The following MLPH variants were observed in gnomAD, a reference collection of about 807,000 sequenced individuals.
The protein encoded by MLPH is melanophilin, also known as exophilin-3.
A neutral mutation model predicts 72.1 loss-of-function variants in MLPH; 51 were observed. That is an observed-to-expected ratio of 0.71 (90% confidence interval 0.56 to 0.89). MLPH has a LOEUF of 0.89. Ranked by LOEUF, MLPH falls within the 40% of genes least tolerant of loss-of-function variation. The pLI, the probability that MLPH is intolerant of heterozygous loss-of-function variation, is 0.00. For missense variants in MLPH, 743 were observed against 759.9 expected, an observed-to-expected ratio of 0.98 and a Z score of 0.26; for synonymous variants, 301 against 310.1, an observed-to-expected ratio of 0.97 and a Z score of 0.31.
intron 12 of MLPH, 96 bp from the exon 13 acceptor site, chr2:237,546,510 G>T: frequency 9.5e-7 from 1 of 1,051,220 alleles, no homozygotes; most frequent in Non-Finnish European, 1.5e-6. Flanking sequence ...AGCATGTATA[G>T]AGAGCATCCA....
chr2:237,552,516 A>G lies in MLPH; in HGVS notation c.1776+79A>G, dbSNP rs542068874. 4.1e-6 allele frequency: 5 copies of G among 1,213,208 alleles called. No homozygotes were observed. In the South Asian group the frequency reaches 5.1e-5, roughly 12 times the overall value. The allele number at this position is 1,213,208 out of a possible 1,614,324, so 75.2% of individuals were successfully genotyped here. On this transcript the variant is annotated intron_variant, in intron 15 of 15. Coordinates refer to ENST00000264605, the MANE Select transcript of MLPH (RefSeq NM_024101.7). ...ATTTATGTATTAAAATTAAGTCTTC[A>G]GAGCAAAGAAAATGGAGATAAACAA...
rs1641393352 is a variant in MLPH, at chr2:237,505,299, C to A, written c.111-5275C>A. Among the ~76,000 whole-genome samples the A allele has an allele frequency of 6.6e-6, 1 of 152,190 alleles. No homozygotes were observed. Among genetic ancestry groups the A allele is most frequent in the Admixed American group, 6.5e-5 (1 of 15,278 alleles). ...CCCACCACTGAGACCCTGATCCCAG[C>A]CACATACCCACGTGCTGTGGCCTCT... On this transcript the variant is annotated intron_variant, in intron 2 of 15. Transcript: ENST00000264605. The surrounding 1 kb of genome is among the most constrained non-coding windows in gnomAD (Gnocchi z 4.5).
In MLPH at chr2:237,547,939, C is replaced by G. The variant is rs555597912; in HGVS notation, c.1617+1256C>G. On this transcript the variant is annotated intron_variant, in intron 13 of 15. Transcript: ENST00000264605. ...AATGGGCTTTAGCTTCAGGCCTTAC[C>G]TGCAGCCCAGCGCAGCAGGGAGCCT... Among the ~76,000 whole-genome samples, 18 of 152,264 alleles carry G rather than the reference C, an allele frequency of 1.2e-4. No individual in the cohort carries two copies. The East Asian group carries it at 3.5e-3, about 29-fold the overall frequency.
In MLPH at chr2:237,493,431, G is replaced by A. The variant is rs781179527; in HGVS notation, c.5G>A (p.Gly2Glu). The A allele has an allele frequency of 6.2e-7, 1 of 1,613,724 alleles. No individual in the cohort carries two copies. The highest frequency in any genetic ancestry group is 8.5e-7 in the Non-Finnish European group (1 of 1,179,692). Reference sequence around the variant, plus strand: ...TGACCCCGACAAGAAGCAGAAATGGGGAAGAAACTGGATCTTTCCAAGCTC... The same window carrying A: ...TGACCCCGACAAGAAGCAGAAATGGAGAAGAAACTGGATCTTTCCAAGCTC... MGKKLDLSKLTD... is the reference protein window; with the variant it reads MEKKLDLSKLTD... Residue 2 changes from glycine to glutamate, a missense_variant, in exon 2 of 16, where the codon GGG (glycine) becomes GAG (glutamate). Transcript: ENST00000264605.
At chr2:237,496,771 G>A (rs925818122) in intron 2 of MLPH, among the ~76,000 whole-genome samples, 13 of 152,226 alleles carry the variant, frequency 8.5e-5, no homozygotes, top group East Asian at 3.8e-4. Flanking sequence ...CCGCATGAGC[G>A]TAGAGTACTG....
At chr2:237,526,755 C>T (rs7598559) in intron 7 of MLPH, among the ~76,000 whole-genome samples, 25,344 of 152,060 alleles carry the variant, frequency 0.17, 2,339 homozygotes, top group African/African-American at 0.23. Flanking sequence ...ACACACCAAC[C>T]TCTCAAACGG....
chr2:237,542,917 T>G (rs1293987036), intron 12 of MLPH, among the ~76,000 whole-genome samples: 1 of 25,810 alleles, frequency 3.9e-5, no homozygotes, highest in Non-Finnish European at 6.0e-5. Context: ...GGGACAGTGG[T>G]GAGTGGGGAC....
intron 2 of MLPH, among the ~76,000 whole-genome samples, chr2:237,503,461 C>T (rs867591057): frequency 2.0e-5 from 3 of 152,164 alleles, no homozygotes; most frequent in Non-Finnish European, 4.4e-5. Context: ...ATTCCCGACA[C>T]GCGTTCCCAG....
At chr2:237,493,649 G>A in intron 2 of MLPH, 113 bp downstream of exon 2, 1 of 774,166 alleles carries the variant, frequency 1.3e-6, no homozygotes, top group Admixed American at 1.8e-5. Context: ...GAAGAGTGAT[G>A]GACAGGAAGC....
chr2:237,488,975 A>G (rs1357411097), intron 1 of MLPH, among the ~76,000 whole-genome samples: 1 of 151,550 alleles, frequency 6.6e-6, no homozygotes, highest in Non-Finnish European at 1.5e-5. Context: ...CCCCCACACC[A>G]TCACTCCCCC....
intron 9 of MLPH, among the ~76,000 whole-genome samples, chr2:237,537,228 G>A (rs553922602): frequency 8.6e-6 from 1 of 116,676 alleles, no homozygotes; most frequent in Non-Finnish European, 2.1e-5. Context: ...ATGTTGTCAT[G>A]TGTTTTCCAC....
chr2:237,553,510 G>C, intron 15 of MLPH, 56 bp from the exon 16 acceptor site: 1 of 1,539,598 alleles, frequency 6.5e-7, no homozygotes, highest in Admixed American at 1.7e-5. Context: ...GTGTGTCTGT[G>C]TTACATGCCT....
chr2:237,513,061 G>A (rs1350389064), intron 4 of MLPH, among the ~76,000 whole-genome samples: 1 of 151,410 alleles, frequency 6.6e-6, no homozygotes, highest in East Asian at 1.9e-4. Context: ...ATTAAAACAG[G>A]GCGCAAGCAA....
intron 9 of MLPH, among the ~76,000 whole-genome samples, chr2:237,539,404 C>T (rs1308620468): frequency 2.6e-5 from 4 of 152,200 alleles, no homozygotes; most frequent in Non-Finnish European, 4.4e-5. Context: ...TTGGCCTAAG[C>T]GAGCTTTAAA....
intron 12 of MLPH, chr2:237,545,321 C>T: frequency 1.6e-6 from 1 of 636,296 alleles, no homozygotes; most frequent in Non-Finnish European, 2.3e-6. Flanking sequence ...CCACCGTGGG[C>T]CTGACAGCAG....
chr2:237,499,742 C>CTTTT (rs201746131), intron 2 of MLPH, among the ~76,000 whole-genome samples: 1 of 151,466 alleles, frequency 6.6e-6, no homozygotes, highest in Non-Finnish European at 1.5e-5. Context: ...TCCCATTTTA[C>CTTTT]TTTTTTTTTG....
intron 13 of MLPH, among the ~76,000 whole-genome samples, chr2:237,549,015 T>C (rs1273730530): frequency 6.6e-6 from 1 of 152,270 alleles, no homozygotes; most frequent in Non-Finnish European, 1.5e-5. Context: ...TCCCCAAAGC[T>C]GAGCATCTCT....
chr2:237,536,638 T>A (rs867621517), intron 9 of MLPH, among the ~76,000 whole-genome samples: 2 of 152,056 alleles, frequency 1.3e-5, no homozygotes, highest in African/African-American at 2.4e-5. Flanking sequence ...TATCCAGCCA[T>A]CCAGCCCCCA....
chr2:237,540,234 G>A, intron 9 of MLPH, 114 bp from the exon 10 acceptor site: 1 of 1,194,594 alleles, frequency 8.4e-7, no homozygotes, highest in Non-Finnish European at 1.2e-6. Context: ...AGGCAGCTGA[G>A]CTCAGCAGGA....
Sources: gnomAD v4.1 joint callset for allele counts (sites outside exome capture counted in the v4.1 genomes callset) on GRCh38, gnomAD v4.1.1 for gene constraint, Gnocchi (gnomAD v3.1) non-coding constraint, MANE v1.5 for transcripts, NCBI Gene and HGNC (gene_info 2026-07-23, HGNC 2026-07-21) for gene names.